The following ANK3 variants were observed in gnomAD, a reference collection of about 807,000 sequenced individuals.
The protein encoded by ANK3 is ankyrin-3.
In ANK3, 57 loss-of-function variants were observed where a neutral mutation model predicts 370.9. That is an observed-to-expected ratio of 0.15 (90% confidence interval 0.12 to 0.19). ANK3 has a LOEUF of 0.19. Ranked by LOEUF, ANK3 falls within the 10% of genes least tolerant of loss-of-function variation. ANK3 has a pLI of 1.00. For missense variants in ANK3, 4,439 were observed against 5,302.1 expected (o/e 0.84, Z 5.06); for synonymous variants, 1,929 against 1,946.3 (o/e 0.99, Z 0.23).
intron 7 of ANK3, among the ~76,000 whole-genome samples, chr10:60,241,314 C>A (rs1007239379): frequency 6.6e-6 from 1 of 151,988 alleles, no homozygotes; most frequent in Non-Finnish European, 1.5e-5. Flanking sequence ...TGATTTAGTT[C>A]AAACAAAAAA....
chr10:60,035,304 A>G (rs966520041), intron 43 of ANK3, among the ~76,000 whole-genome samples: 2 of 152,042 alleles, frequency 1.3e-5, no homozygotes, highest in African/African-American at 4.8e-5. Context: ...GCTGGAGTAC[A>G]GTGGTACGAT....
intron 16 of ANK3, among the ~76,000 whole-genome samples, chr10:60,188,617 C>T (rs1163709230): frequency 1.3e-5 from 2 of 152,192 alleles, no homozygotes; most frequent in Non-Finnish European, 2.9e-5. Flanking sequence ...ATGAACCTCA[C>T]ATTTAAGTCA....
intron 16 of ANK3, 57 bp downstream of exon 16, chr10:60,196,088 G>C: frequency 2.1e-6 from 3 of 1,459,040 alleles, no homozygotes; most frequent in Non-Finnish European, 2.9e-6. Flanking sequence ...TAGATGTGCA[G>C]ATAGAGACTG....
chr10:60,424,818 T>C (rs2063847454), intron 2 of ANK3, among the ~76,000 whole-genome samples: 2 of 151,998 alleles, frequency 1.3e-5, no homozygotes, highest in Admixed American at 1.3e-4. Flanking sequence ...GAGTGCCAAG[T>C]ATGAGGTGGT....
At chr10:60,155,062 G>A (rs2095286691) in intron 23 of ANK3, among the ~76,000 whole-genome samples, 1 of 151,978 alleles carries the variant, frequency 6.6e-6, no homozygotes, top group Non-Finnish European at 1.5e-5. Context: ...CCCCTCACAG[G>A]AACCCCAAAC....
intron 25 of ANK3, among the ~76,000 whole-genome samples, chr10:60,128,644 G>A (rs2093904406): frequency 6.6e-6 from 1 of 152,178 alleles, no homozygotes; most frequent in Non-Finnish European, 1.5e-5. Context: ...GCCTCCCAAA[G>A]TGCTGGGATT....
At chr10:60,102,034 C>T (rs931122300) in intron 28 of ANK3, among the ~76,000 whole-genome samples, 4 of 151,398 alleles carry the variant, frequency 2.6e-5, no homozygotes, top group South Asian at 2.1e-4. Flanking sequence ...TTACTGTTTC[C>T]GGGTGGTGGC....
intron 8 of ANK3, among the ~76,000 whole-genome samples, chr10:60,227,659 C>T (rs2097183523): frequency 6.6e-6 from 1 of 151,938 alleles, no homozygotes; most frequent in Admixed American, 6.6e-5. Flanking sequence ...GACTTGTGTT[C>T]AAGTCCTCCA....
At position 60,687,959 on chromosome 10, in the gene ANK3, C is replaced by T. The variant is rs185555857; in HGVS notation, c.57+45304G>A. On this transcript the variant is annotated intron_variant, in intron 1 of 43. Transcript: ENST00000373827. ...TATGCTAAGTGAAATAACCCAGTGA[C>T]AGAGACACAAACATTTCATGATTCC... is the stretch of plus-strand genomic sequence containing the variant. Among the ~76,000 whole-genome samples, 250 of 152,254 alleles carry T rather than the reference C, an allele frequency of 1.6e-3. 1 individual carries two copies. Among genetic ancestry groups the T allele is most frequent in the African/African-American group, 5.8e-3 (243 of 41,554 alleles).
At chr10:60,167,041 T>C in intron 21 of ANK3, 145 bp from the exon 22 acceptor site, 3 of 721,942 alleles carry the variant, frequency 4.2e-6, no homozygotes, top group Non-Finnish European at 4.6e-6. Flanking sequence ...ACATCAAAAT[T>C]GTTGTCCCTT....
At chr10:60,188,197 G>A (rs1213681359) in intron 16 of ANK3, among the ~76,000 whole-genome samples, 10 of 152,132 alleles carry the variant, frequency 6.6e-5, no homozygotes, top group Non-Finnish European at 1.5e-5. Flanking sequence ...GCATATTCTG[G>A]CATCCTTTTC....
At chr10:60,234,236 T>G (rs187173303) in intron 8 of ANK3, among the ~76,000 whole-genome samples, 1 of 152,348 alleles carries the variant, frequency 6.6e-6, no homozygotes, top group East Asian at 1.9e-4. Flanking sequence ...ATTTTGGACA[T>G]ATACCCAGAA....
chr10:60,030,268 G>A (rs537212473), intron 43 of ANK3, among the ~76,000 whole-genome samples: 13 of 151,748 alleles, frequency 8.6e-5, no homozygotes, highest in South Asian at 2.1e-4. Context: ...TCAGCCTCCC[G>A]AGTAGCTGGG....
chr10:60,691,279 T>C (rs896771588), intron 1 of ANK3, among the ~76,000 whole-genome samples: 5 of 152,076 alleles, frequency 3.3e-5, no homozygotes, highest in African/African-American at 9.7e-5. Context: ...AACAAACATG[T>C]ACCCCCGAAT....
At chr10:60,727,946 AT>A (rs766575025) in intron 1 of ANK3, among the ~76,000 whole-genome samples, 7 of 152,154 alleles carry the variant, frequency 4.6e-5, no homozygotes, top group African/African-American at 1.7e-4. Context: ...TTGAAAAAAA[AT>A]AAACCGTTCA....
intron 7 of ANK3, among the ~76,000 whole-genome samples, chr10:60,247,210 G>A (rs1463721219): frequency 6.6e-6 from 1 of 151,834 alleles, no homozygotes; most frequent in Non-Finnish European, 1.5e-5. Flanking sequence ...GTGGAGACGG[G>A]GTTTCACCAT....
intron 23 of ANK3, among the ~76,000 whole-genome samples, chr10:60,157,821 C>G (rs996044938): frequency 6.7e-6 from 1 of 149,216 alleles, no homozygotes; most frequent in East Asian, 2.0e-4. Context: ...AGAAAATAAC[C>G]TCAAAAGGAC....
chr10:60,389,650 T>C lies in ANK3; in HGVS notation c.-112A>G. The C allele has an allele frequency of 6.6e-7, 1 of 1,508,616 alleles. No homozygotes were observed. The highest frequency in any genetic ancestry group is 8.8e-7 in the Non-Finnish European group (1 of 1,134,514). 93.5% of individuals were successfully genotyped at this position (1,508,616 alleles called of 1,614,324 possible). On this transcript the variant is annotated 5_prime_UTR_variant, in exon 1 of 44. Transcript: ENST00000280772. ...GCATTCCAATCACTAGAGAGAAAGC[T>C]TTGACTAGAAGCAGGAAGATATTCA...
intron 23 of ANK3, chr10:60,140,750 A>T (rs2094524658): frequency 1.8e-6 from 2 of 1,093,714 alleles, no homozygotes; most frequent in Non-Finnish European, 2.2e-6. Flanking sequence ...CAAGCCCCTG[A>T]GTTATTTGTA....
Sources: allele counts gnomAD v4.1 joint callset (sites outside exome capture counted in the v4.1 genomes callset), GRCh38; gene constraint gnomAD v4.1.1; transcripts MANE v1.5; gene names NCBI Gene and HGNC (gene_info 2026-07-23, HGNC 2026-07-21).